The following EXT2 variants were observed in gnomAD, a reference collection of about 807,000 sequenced individuals.
EXT2 encodes exostosin glycosyltransferase 2, also known as exostosin-2.
A neutral mutation model predicts 81.6 loss-of-function variants in EXT2; 53 were observed. The ratio of observed to expected loss-of-function variants is 0.65; its 90% CI spans 0.52 to 0.82. The LOEUF (loss-of-function observed/expected upper bound fraction) is 0.82. EXT2 is among the 40% of genes least tolerant of loss of function. The pLI, the probability that EXT2 is intolerant of heterozygous loss-of-function variation, is 0.00. For synonymous variants in EXT2, 320 were observed against 340.0 expected (o/e 0.94, Z 0.65); for missense variants, 774 against 910.2 (o/e 0.85, Z 1.93).
chr11:44,171,550 GTA>G, intron 7 of EXT2, 59 bp from the exon 8 acceptor site: 1 of 1,612,224 alleles, frequency 6.2e-7, no homozygotes, highest in Non-Finnish European at 8.5e-7. Context: ...CTATGATAGA[GTA>G]TCTAGTTTTC....
intron 6 of EXT2, 113 bp downstream of exon 6, chr11:44,127,068 T>C: frequency 7.3e-7 from 1 of 1,372,180 alleles, no homozygotes; most frequent in Non-Finnish European, 1.0e-6. Flanking sequence ...TACAGATAGT[T>C]TTTCTCTATT....
At chr11:44,153,974 T>A (rs1366958887) in intron 7 of EXT2, among the ~76,000 whole-genome samples, 1 of 151,680 alleles carries the variant, frequency 6.6e-6, no homozygotes, top group Non-Finnish European at 1.5e-5. Flanking sequence ...TATTGGTCTG[T>A]AGTTTTCTGT....
intron 1 of EXT2, among the ~76,000 whole-genome samples, 157 bp downstream of exon 1, chr11:44,096,009 G>A (rs916013137): frequency 6.6e-6 from 1 of 152,108 alleles, no homozygotes; most frequent in African/African-American, 2.4e-5. Context: ...CCCCAGCCCC[G>A]CCGGGGCTGT....
At chr11:44,161,991 A>G (rs1172682627) in intron 7 of EXT2, among the ~76,000 whole-genome samples, 1 of 152,214 alleles carries the variant, frequency 6.6e-6, no homozygotes, top group Non-Finnish European at 1.5e-5. Flanking sequence ...TGATTAGAGG[A>G]GACTGAGCTG....
At chr11:44,208,919 A>G (rs1010054221) in intron 10 of EXT2, among the ~76,000 whole-genome samples, 7 of 152,234 alleles carry the variant, frequency 4.6e-5, no homozygotes, top group Non-Finnish European at 8.8e-5. Flanking sequence ...ACTTACAGCC[A>G]TCAGCATATC....
At chr11:44,214,504 C>G (rs976276617) in intron 10 of EXT2, among the ~76,000 whole-genome samples, 1 of 152,176 alleles carries the variant, frequency 6.6e-6, no homozygotes, top group Non-Finnish European at 1.5e-5. Context: ...TTTAATGTCT[C>G]TAATACAATT....
rs1954733547 is a variant in EXT2, at chr11:44,147,482, AAC to A, written c.1173+17349_1173+17350del. ...CACTAGTAAAGCAGAGTTTACTAAT[AAC>A]ACACTTCTTTAATAGCAAGCCATAT... On this transcript the variant is annotated intron_variant, in intron 7 of 13. Coordinates refer to ENST00000533608, the MANE Select transcript of EXT2 (RefSeq NM_207122.2). Among the ~76,000 whole-genome samples, 3 of 152,232 alleles carry A rather than the reference AAC, an allele frequency of 2.0e-5. No individual in the cohort carries two copies. In the South Asian group the frequency reaches 6.2e-4, roughly 32 times the overall value.
intron 7 of EXT2, among the ~76,000 whole-genome samples, chr11:44,145,285 T>C (rs79307009): frequency 0.018 from 2,720 of 152,296 alleles, 86 homozygotes; most frequent in African/African-American, 0.061. Context: ...TTACTCATGA[T>C]GCCTTTAGCA....
rs1483403995 is a variant in EXT2 at position 44,250,120 on chromosome 11, T to C, written c.*5833T>C. Among the ~76,000 whole-genome samples the C allele has an allele frequency of 6.6e-6, 1 of 152,184 alleles. No individual in the cohort carries two copies. Among genetic ancestry groups the C allele is most frequent in the Non-Finnish European group, 1.5e-5 (1 of 68,036 alleles). ...GGCAGTGTGGTAGGCCCAAGAGATATAGCAATTAGAGTTGACTAAGACAGT... is the reference window on the plus strand; with the variant it reads ...GGCAGTGTGGTAGGCCCAAGAGATACAGCAATTAGAGTTGACTAAGACAGT... On this transcript the variant is annotated 3_prime_UTR_variant, in exon 14 of 14. Transcript: ENST00000533608.
At chr11:44,200,095 G>C (rs949510264) in intron 9 of EXT2, among the ~76,000 whole-genome samples, 5 of 150,950 alleles carry the variant, frequency 3.3e-5, no homozygotes, top group Admixed American at 6.6e-5. Context: ...GCTCTGGTCC[G>C]CATGCCAGCA....
chr11:44,150,531 G>C (rs1954778667), intron 7 of EXT2, among the ~76,000 whole-genome samples: 1 of 152,202 alleles, frequency 6.6e-6, no homozygotes, highest in South Asian at 2.1e-4. Flanking sequence ...AAAGCAATAT[G>C]TGTTCACTAA....
intron 8 of EXT2, among the ~76,000 whole-genome samples, chr11:44,174,250 TG>T (rs1205896557): frequency 6.6e-6 from 1 of 152,232 alleles, no homozygotes; most frequent in African/African-American, 2.4e-5. Context: ...GACATTTATT[TG>T]TTCAGTTGGT....
intron 7 of EXT2, 45 bp from the exon 8 acceptor site, chr11:44,171,566 C>G: frequency 1.2e-6 from 2 of 1,613,878 alleles, no homozygotes; most frequent in Non-Finnish European, 1.7e-6. Flanking sequence ...AGTTTTCCCA[C>G]TCTGTCTCGC....
intron 8 of EXT2, among the ~76,000 whole-genome samples, chr11:44,185,658 T>C (rs1228929457): frequency 6.6e-6 from 1 of 152,240 alleles, no homozygotes; most frequent in Non-Finnish European, 1.5e-5. Flanking sequence ...AACTTTCATT[T>C]TGGTGTTAGG....
At chr11:44,152,793 C>A (rs930847855) in intron 7 of EXT2, among the ~76,000 whole-genome samples, 1 of 152,082 alleles carries the variant, frequency 6.6e-6, no homozygotes, top group Non-Finnish European at 1.5e-5. Flanking sequence ...ACTGTCTTTT[C>A]TTCATATGTA....
rs144722794 is a variant in EXT2 at position 44,140,315 on chromosome 11, C to T, written c.1173+10177C>T. On this transcript the variant is annotated intron_variant, in intron 7 of 13. Coordinates refer to ENST00000533608, the MANE Select transcript of EXT2 (RefSeq NM_207122.2). ...CGAATTTAAAGGGACTTTCATCAGT[C>T]TGCTTTGCTGACCCTTTTAGAACAG... Among the ~76,000 whole-genome samples the T allele has an allele frequency of 9.1e-4, 139 of 152,344 alleles. 2 individuals carry two copies. In the East Asian group the frequency reaches 0.025, roughly 28 times the overall value.
chr11:44,141,955 G>C (rs1954651967), intron 7 of EXT2, among the ~76,000 whole-genome samples: 1 of 152,128 alleles, frequency 6.6e-6, no homozygotes, highest in Admixed American at 6.6e-5. Context: ...AAATATCTAG[G>C]TTTACAATAC....
chr11:44,210,691 A>G (rs1955637006), intron 10 of EXT2, among the ~76,000 whole-genome samples: 1 of 152,240 alleles, frequency 6.6e-6, no homozygotes, highest in South Asian at 2.1e-4. Flanking sequence ...AGCCACAAGG[A>G]CAAGGAATGT....
chr11:44,251,277 G>A lies in EXT2; in HGVS notation c.*6990G>A, dbSNP rs1398545860. 1.3e-5 allele frequency among the ~76,000 whole-genome samples: 2 copies of A among 152,108 alleles called. No individual in the cohort carries two copies. Among genetic ancestry groups the A allele is most frequent in the African/African-American group, 4.8e-5 (2 of 41,400 alleles). The stretch of plus-strand genomic sequence containing the variant: ...TAATGATGAATATCCATTAATAAGA[G>A]ATTGATGCTCTTTCAACTCTCATGT... On this transcript the variant is annotated 3_prime_UTR_variant, in exon 14 of 14. Coordinates refer to ENST00000533608, the MANE Select transcript of EXT2 (RefSeq NM_207122.2).
Sources: gnomAD v4.1 joint callset for allele counts (sites outside exome capture counted in the v4.1 genomes callset) on GRCh38, gnomAD v4.1.1 for gene constraint, MANE v1.5 for transcripts, NCBI Gene and HGNC (gene_info 2026-07-23, HGNC 2026-07-21) for gene names.